Variants in DHRS9 observed in about 807,000 individuals in gnomAD.
The protein encoded by DHRS9 is dehydrogenase/reductase 9.
In DHRS9, 18 loss-of-function variants were observed where a neutral mutation model predicts 26.6. The ratio of observed to expected loss-of-function variants is 0.68; its 90% CI spans 0.47 to 1.00. The LOEUF (loss-of-function observed/expected upper bound fraction) is 1.00, where lower values mean the gene tolerates loss of function less well. Ranked by LOEUF, DHRS9 falls within the 50% of genes least tolerant of loss-of-function variation. The pLI, the probability that DHRS9 is intolerant of heterozygous loss-of-function variation, is 0.00. For missense variants in DHRS9, 425 were observed against 378.7 expected, an observed-to-expected ratio of 1.12 and a Z score of -1.01; for synonymous variants, 134 against 141.1, an observed-to-expected ratio of 0.95 and a Z score of 0.36.
intron 4 of DHRS9, among the ~76,000 whole-genome samples, chr2:169,092,966 A>C (rs1684579977): frequency 6.6e-6 from 1 of 152,172 alleles, no homozygotes; most frequent in South Asian, 2.1e-4. Context: ...GGACCCAGGC[A>C]GCCTGACCGT....
At chr2:169,092,597 T>C (rs968962477) in intron 4 of DHRS9, among the ~76,000 whole-genome samples, 4 of 152,192 alleles carry the variant, frequency 2.6e-5, no homozygotes, top group Non-Finnish European at 5.9e-5. Context: ...GAAAAGAGCA[T>C]GGCTGGTTAA....
In DHRS9 at chr2:169,083,312, C is replaced by T; in HGVS notation, c.314-17C>T. ...GTACTGTCTTACCACACCTCTTTTCCTTCCTCTCTGTTCTAGGTCTCTGGG... is the reference window on the plus strand; with the variant it reads ...GTACTGTCTTACCACACCTCTTTTCTTTCCTCTCTGTTCTAGGTCTCTGGG... On this transcript the variant is annotated splice_polypyrimidine_tract_variant and intron_variant, in intron 2 of 4. Transcript: ENST00000674881. 6.2e-7 allele frequency: 1 copy of T among 1,610,860 alleles called. No homozygotes were observed. Among genetic ancestry groups the T allele is most frequent in the Non-Finnish European group, 8.5e-7 (1 of 1,177,428 alleles).
rs764894138 is a variant in DHRS9, at chr2:169,081,839, C to T, written c.258C>T (p.Asp86=). 1 of 1,613,650 alleles carries T rather than the reference C, an allele frequency of 6.2e-7. No individual in the cohort carries two copies. Among genetic ancestry groups the T allele is most frequent in the Non-Finnish European group, 8.5e-7 (1 of 1,179,850 alleles). ...RLRTVLLDVT[D]PENVKRTAQW... Reference sequence around the variant, plus strand: ...GTACTGTGCTTCTGGATGTGACCGACCCAGAGAATGTCAAGAGGACTGCCC... The same window carrying T: ...GTACTGTGCTTCTGGATGTGACCGATCCAGAGAATGTCAAGAGGACTGCCC... The change falls in exon 2 of 5, where the codon GAC becomes GAT. Residue 86 remains aspartate (D), a synonymous_variant. Coordinates refer to ENST00000674881, the MANE Select transcript of DHRS9 (RefSeq NM_001376924.1).
intron 1 of DHRS9, among the ~76,000 whole-genome samples, chr2:169,076,565 T>G (rs1176568430): frequency 2.0e-5 from 3 of 152,234 alleles, no homozygotes; most frequent in African/African-American, 4.8e-5. Context: ...GAGTTCATAC[T>G]GATTCTTCCA....
In DHRS9 at chr2:169,081,737, G is replaced by T; in HGVS notation, c.156G>T (p.Lys52Asn). 6.2e-7 allele frequency: 1 copy of T among 1,614,166 alleles called. No homozygotes were observed. The highest frequency in any genetic ancestry group is 8.5e-7 in the Non-Finnish European group (1 of 1,180,022). The change falls in exon 2 of 5, where the codon AAG becomes AAT. Residue 52 changes from lysine to asparagine, a missense_variant. Transcript: ENST00000674881. ...TGGCAGCCAGAACTTTTGATAAAAA[G>T]GGATTTCATGTAATCGCTGCCTGTC... ...GNLAARTFDK[K>N]GFHVIAACLT...
intron 1 of DHRS9, chr2:169,070,687 A>G (rs987091097): frequency 5.1e-6 from 5 of 984,368 alleles, no homozygotes. Context: ...AAAATCATTA[A>G]CTCATATATT....
At chr2:169,079,015 T>C (rs1235693852) in intron 1 of DHRS9, among the ~76,000 whole-genome samples, 2 of 151,566 alleles carry the variant, frequency 1.3e-5, no homozygotes, top group East Asian at 1.9e-4. Context: ...ACCCAGCTAA[T>C]TTTTTGTATT....
intron 1 of DHRS9, among the ~76,000 whole-genome samples, chr2:169,078,937 TGATTCTCCTGC>T (rs1684056175): frequency 4.2e-5 from 1 of 23,852 alleles, no homozygotes; most frequent in Non-Finnish European, 6.7e-5. Flanking sequence ...TTCTCCTGCC[TGATTCTCCTGC>T]CTGATTCTCC....
chr2:169,071,119 C>T (rs1490613014), intron 1 of DHRS9, among the ~76,000 whole-genome samples: 1 of 151,702 alleles, frequency 6.6e-6, no homozygotes, highest in Non-Finnish European at 1.5e-5. Context: ...GCTCAAAGAT[C>T]ACTGTGGCTG....
At chr2:169,067,334 G>T (rs928384068), upstream of DHRS9, 13 of 1,517,024 alleles carry the variant, frequency 8.6e-6, no homozygotes, top group African/African-American at 1.7e-4. Flanking sequence ...CCCCAGAATG[G>T]TGTAGTTGCA....
At chr2:169,074,352 G>A in intron 1 of DHRS9, 2 of 985,358 alleles carry the variant, frequency 2.0e-6, no homozygotes, top group Non-Finnish European at 2.4e-6. Context: ...TCTGAGGTCT[G>A]GGCTCCTAAC....
chr2:169,081,452 A>C, intron 1 of DHRS9, 71 bp from the exon 2 acceptor site: 1 of 1,444,172 alleles, frequency 6.9e-7, no homozygotes, highest in South Asian at 1.5e-5. Flanking sequence ...AATATCTCAA[A>C]TTCATCAGTC....
rs146827940 is a variant in DHRS9, at chr2:169,096,070, C to T, written c.*303C>T. The T allele has an allele frequency of 2.6e-4, 100 of 384,330 alleles. No homozygotes were observed. Among genetic ancestry groups the T allele is most frequent in the African/African-American group, 1.8e-3 (89 of 49,494 alleles). 23.8% of individuals were successfully genotyped at this position (384,330 alleles called of 1,614,324 possible). ...CTTGCCCATTCAAAATGATCTTTACCGTGGCCTGCCCCATGCTTATGGTCC... is the reference window on the plus strand; with the variant it reads ...CTTGCCCATTCAAAATGATCTTTACTGTGGCCTGCCCCATGCTTATGGTCC... On this transcript the variant is annotated 3_prime_UTR_variant, in exon 5 of 5. Transcript: ENST00000674881.
At chr2:169,077,920 A>G (rs971619367) in intron 1 of DHRS9, among the ~76,000 whole-genome samples, 1 of 152,216 alleles carries the variant, frequency 6.6e-6, no homozygotes, top group Non-Finnish European at 1.5e-5. Flanking sequence ...TGTAGCCACA[A>G]CTATTTCAGA....
In DHRS9 at chr2:169,095,744, C is replaced by T; in HGVS notation, c.937C>T (p.Leu313=). ...TTTATTGTTGAAACAGAAAGCAGAG[C>T]TGGCTAATCCCAAGGCAGTGTGACT... ...DFLLLKQKAE[L]ANPKAV is the part of the protein sequence containing the mutation. Residue 313 remains leucine, a synonymous_variant, in exon 5 of 5, where the codon CTG becomes TTG. Transcript: ENST00000674881. The T allele has an allele frequency of 6.2e-7, 1 of 1,613,744 alleles. No homozygotes were observed. Among genetic ancestry groups the T allele is most frequent in the African/African-American group, 1.3e-5 (1 of 75,018 alleles).
At chr2:169,089,600 A>G (rs964737066) in intron 3 of DHRS9, among the ~76,000 whole-genome samples, 2 of 152,254 alleles carry the variant, frequency 1.3e-5, no homozygotes, top group African/African-American at 4.8e-5. Flanking sequence ...TTTATGATTT[A>G]TACCATGGAC....
intron 1 of DHRS9, chr2:169,070,364 T>C: frequency 2.0e-6 from 2 of 985,454 alleles, no homozygotes; most frequent in Non-Finnish European, 2.4e-6. Flanking sequence ...AATGATGATA[T>C]GGCTCCTTTC....
chr2:169,094,393 G>C (rs1684628900), intron 4 of DHRS9, among the ~76,000 whole-genome samples: 1 of 151,856 alleles, frequency 6.6e-6, no homozygotes, highest in South Asian at 2.1e-4. Context: ...TCTTTCAACT[G>C]TTTCCTTTGC....
chr2:169,089,469 G>T (rs1413141427), intron 3 of DHRS9, among the ~76,000 whole-genome samples: 1 of 152,196 alleles, frequency 6.6e-6, no homozygotes, highest in Non-Finnish European at 1.5e-5. Flanking sequence ...GAAGCAAGCG[G>T]AAGATATTCA....
Sources: allele counts gnomAD v4.1 joint callset (sites outside exome capture counted in the v4.1 genomes callset), GRCh38; gene constraint gnomAD v4.1.1; transcripts MANE v1.5; gene names NCBI Gene and HGNC (gene_info 2026-07-23, HGNC 2026-07-21).